Variants in RIC1 observed in about 807,000 individuals in gnomAD.
RIC1 encodes RIC1 partner of RAB6A GEF complex.
RIC1 carries 88 observed loss-of-function variants against 169.0 expected under a neutral mutation model. The observed-to-expected ratio is 0.52, with a 90% CI of 0.44 to 0.62. The LOEUF (loss-of-function observed/expected upper bound fraction) is 0.62. Among genes scored for constraint, RIC1 ranks in the 20% least tolerant of loss-of-function variants. The pLI, the probability that RIC1 is intolerant of heterozygous loss-of-function variation, is 0.00. For synonymous variants in RIC1, 790 were observed against 601.5 expected (o/e 1.31, Z -4.59); for missense variants, 1,877 against 1,725.5 (o/e 1.09, Z -1.56).
At chr9:5,750,640 G>A (rs569386149) in intron 12 of RIC1, among the ~76,000 whole-genome samples, 3 of 151,738 alleles carry the variant, frequency 2.0e-5, no homozygotes, top group African/African-American at 4.9e-5. Context: ...AAATGAGGGC[G>A]GATTCAGTTT....
At chr9:5,718,166 A>AAAAAAAG (rs1823380133) in intron 4 of RIC1, among the ~76,000 whole-genome samples, 1 of 150,258 alleles carries the variant, frequency 6.7e-6, no homozygotes, top group Non-Finnish European at 1.5e-5. Flanking sequence ...AAAAAAAAAA[A>AAAAAAAG]GTTCAGTTCT....
chr9:5,657,216 CAT>C, intron 2 of RIC1, among the ~76,000 whole-genome samples: 1 of 152,200 alleles, frequency 6.6e-6, no homozygotes, highest in South Asian at 2.1e-4. Context: ...GCTTTATGTG[CAT>C]ATGTTATACT....
intron 6 of RIC1, among the ~76,000 whole-genome samples, chr9:5,723,254 T>G (rs1823725336): frequency 6.6e-6 from 1 of 152,224 alleles, no homozygotes; most frequent in East Asian, 1.9e-4. Flanking sequence ...CCATTTTAAC[T>G]GGTGTGAGAT....
At chr9:5,688,609 TG>T (rs1479225632) in intron 2 of RIC1, among the ~76,000 whole-genome samples, 2 of 152,202 alleles carry the variant, frequency 1.3e-5, no homozygotes, top group Middle Eastern at 3.2e-3. Context: ...CTTTTGTTTT[TG>T]TATCTTACAG....
intron 1 of RIC1, among the ~76,000 whole-genome samples, chr9:5,636,950 A>G (rs1332027899): frequency 6.6e-5 from 10 of 152,186 alleles, no homozygotes; most frequent in Non-Finnish European, 7.3e-5. Flanking sequence ...CATTTTTAAT[A>G]TTAATGAATT....
intron 21 of RIC1, 151 bp downstream of exon 21, chr9:5,765,949 G>A (rs1826707121): frequency 3.1e-6 from 3 of 960,826 alleles, no homozygotes; most frequent in Non-Finnish European, 3.0e-6. Flanking sequence ...CACACAGAAG[G>A]CTTCCCTTTT....
downstream of RIC1, among the ~76,000 whole-genome samples, chr9:5,777,062 T>C (rs1384104140): frequency 6.6e-6 from 1 of 152,162 alleles, no homozygotes; most frequent in Non-Finnish European, 1.5e-5. Context: ...ATCCAAGTTG[T>C]ATATGAAGTA....
At chr9:5,707,981 T>G (rs1165344666) in intron 3 of RIC1, among the ~76,000 whole-genome samples, 1 of 152,058 alleles carries the variant, frequency 6.6e-6, no homozygotes, top group East Asian at 1.9e-4. Context: ...TTGTTGTTGT[T>G]GTTGTTGTTT....
intron 1 of RIC1, among the ~76,000 whole-genome samples, chr9:5,648,552 G>A (rs947022718): frequency 6.6e-6 from 1 of 152,174 alleles, no homozygotes; most frequent in Non-Finnish European, 1.5e-5. Context: ...CAGTGGGATT[G>A]CTGGATCATA....
At chr9:5,697,983 T>C (rs1195546350) in intron 3 of RIC1, among the ~76,000 whole-genome samples, 1 of 152,204 alleles carries the variant, frequency 6.6e-6, no homozygotes, top group African/African-American at 2.4e-5. Flanking sequence ...AGACTTGAGT[T>C]CTATACTTGG....
At chr9:5,723,557 G>A (rs1823748186) in intron 6 of RIC1, among the ~76,000 whole-genome samples, 1 of 152,158 alleles carries the variant, frequency 6.6e-6, no homozygotes. Context: ...AAGCTCTTTA[G>A]TTGAATTAGA....
chr9:5,658,836 T>TA (rs1554660016), intron 2 of RIC1, among the ~76,000 whole-genome samples: 14 of 150,982 alleles, frequency 9.3e-5, no homozygotes, highest in African/African-American at 1.9e-4. Flanking sequence ...TTTTTTTTTT[T>TA]ACCGAGACTG....
At chr9:5,666,875 T>C (rs1242900529) in intron 2 of RIC1, among the ~76,000 whole-genome samples, 1 of 152,238 alleles carries the variant, frequency 6.6e-6, no homozygotes, top group Non-Finnish European at 1.5e-5. Context: ...ATCTGGCTTG[T>C]CTGATTTGTT....
intron 2 of RIC1, among the ~76,000 whole-genome samples, chr9:5,657,869 T>C (rs1819194591): frequency 6.6e-6 from 1 of 152,150 alleles, no homozygotes; most frequent in East Asian, 1.9e-4. Flanking sequence ...TTTGCTACAG[T>C]TGAAAATTAT....
chr9:5,686,424 A>G (rs886097469), intron 2 of RIC1, among the ~76,000 whole-genome samples: 1 of 152,198 alleles, frequency 6.6e-6, no homozygotes, highest in Non-Finnish European at 1.5e-5. Flanking sequence ...TGGCACATAT[A>G]CACCATGGAA....
chr9:5,734,406 G>C lies in RIC1; in HGVS notation c.812+1927G>C, dbSNP rs185501274. On this transcript the variant is annotated intron_variant, in intron 7 of 25. Transcript: ENST00000414202. Reference sequence around the variant, plus strand: ...GGTGTGAGCCACTGGGCCCGGCCCAGTTTTAAAAATAGATTTAAGAAGATT... The same window carrying C: ...GGTGTGAGCCACTGGGCCCGGCCCACTTTTAAAAATAGATTTAAGAAGATT... Among the ~76,000 whole-genome samples the C allele has an allele frequency of 4.1e-3, 626 of 152,144 alleles. 5 individuals are homozygous for C. Among genetic ancestry groups the C allele is most frequent in the Non-Finnish European group, 7.6e-3 (514 of 67,992 alleles).
chr9:5,681,104 G>T (rs1820805343), intron 2 of RIC1, among the ~76,000 whole-genome samples: 1 of 152,088 alleles, frequency 6.6e-6, no homozygotes. Context: ...GGGATTACAG[G>T]CGTGAGCCAC....
At chr9:5,698,093 G>C (rs866162872) in intron 3 of RIC1, among the ~76,000 whole-genome samples, 1 of 152,146 alleles carries the variant, frequency 6.6e-6, no homozygotes, top group African/African-American at 2.4e-5. Context: ...AATCTATTAG[G>C]TTATTTGCCA....
intron 6 of RIC1, among the ~76,000 whole-genome samples, chr9:5,723,844 G>A (rs1211520329): frequency 1.3e-5 from 2 of 152,138 alleles, no homozygotes; most frequent in African/African-American, 4.8e-5. Flanking sequence ...GTTTTTGTCA[G>A]GTTTGTCAAA....
Sources: gnomAD v4.1 joint callset for allele counts (sites outside exome capture counted in the v4.1 genomes callset) on GRCh38, gnomAD v4.1.1 for gene constraint, MANE v1.5 for transcripts, NCBI Gene and HGNC (gene_info 2026-07-23, HGNC 2026-07-21) for gene names.